The following CSMD1 variants were observed in gnomAD, a reference collection of about 807,000 sequenced individuals.
CSMD1 encodes CUB and Sushi multiple domains 1.
A neutral mutation model predicts 417.5 loss-of-function variants in CSMD1; 213 were observed. The ratio of observed to expected loss-of-function variants is 0.51; its 90% CI spans 0.46 to 0.57. The LOEUF is 0.57. Among genes scored for constraint, CSMD1 ranks in the 20% least tolerant of loss-of-function variants. The pLI is 0.00. For missense variants in CSMD1, 6,923 were observed against 4,529.7 expected (o/e 1.53, Z -15.17); for synonymous variants, 2,862 against 1,736.8 (o/e 1.65, Z -16.11).
At chr8:3,270,384 C>G (rs1223346188) in intron 26 of CSMD1, among the ~76,000 whole-genome samples, 1 of 151,948 alleles carries the variant, frequency 6.6e-6, no homozygotes, top group East Asian at 1.9e-4. Flanking sequence ...ACAGTTGTTG[C>G]TGCCTCAAGA....
chr8:3,787,315 A>G (rs1002677837), intron 5 of CSMD1, among the ~76,000 whole-genome samples: 5 of 152,210 alleles, frequency 3.3e-5, no homozygotes, highest in East Asian at 1.9e-4. Flanking sequence ...GGATATTTAA[A>G]TTGGAAAGCT....
At chr8:3,190,530 G>C (rs937184887) in intron 33 of CSMD1, among the ~76,000 whole-genome samples, 3 of 152,146 alleles carry the variant, frequency 2.0e-5, no homozygotes, top group African/African-American at 7.2e-5. Flanking sequence ...ACAGGCCTCT[G>C]AGTCTAATGA....
intron 1 of CSMD1, among the ~76,000 whole-genome samples, chr8:4,967,604 A>G (rs935439179): frequency 6.6e-6 from 1 of 152,204 alleles, no homozygotes; most frequent in African/African-American, 2.4e-5. Context: ...GAGTTGTAAC[A>G]GTACCTATAC....
chr8:3,925,355 AG>A (rs546488550), intron 5 of CSMD1, among the ~76,000 whole-genome samples: 1 of 152,374 alleles, frequency 6.6e-6, no homozygotes, highest in East Asian at 1.9e-4. Context: ...TATTTTAATT[AG>A]AAATATTCAA....
intron 2 of CSMD1, among the ~76,000 whole-genome samples, chr8:4,502,137 T>A (rs1179743095): frequency 6.6e-6 from 1 of 152,190 alleles, no homozygotes; most frequent in East Asian, 1.9e-4. Context: ...ATGGGTTATA[T>A]ATGATAAAAA....
intron 8 of CSMD1, among the ~76,000 whole-genome samples, chr8:3,586,895 G>T (rs943647448): frequency 1.3e-5 from 2 of 152,180 alleles, no homozygotes; most frequent in African/African-American, 4.8e-5. Context: ...CGCCTCCGGG[G>T]TTCAAGCTAT....
At chr8:3,561,846 T>A (rs1799479678) in intron 10 of CSMD1, among the ~76,000 whole-genome samples, 1 of 151,888 alleles carries the variant, frequency 6.6e-6, no homozygotes, top group African/African-American at 2.4e-5. Context: ...GAAGGAGAAA[T>A]GTATGGCCCT....
intron 3 of CSMD1, among the ~76,000 whole-genome samples, chr8:4,307,827 T>C (rs1181605085): frequency 1.3e-5 from 2 of 152,180 alleles, no homozygotes; most frequent in African/African-American, 4.8e-5. Flanking sequence ...TATAATATGA[T>C]GATTTAACTG....
At chr8:3,912,482 G>A (rs143084606) in intron 5 of CSMD1, among the ~76,000 whole-genome samples, 1 of 152,102 alleles carries the variant, frequency 6.6e-6, no homozygotes, top group South Asian at 2.1e-4. Flanking sequence ...CGTGCTCCTA[G>A]ACCCTCAAGT....
At chr8:3,697,192 A>C (rs1247572734) in intron 7 of CSMD1, among the ~76,000 whole-genome samples, 1 of 152,176 alleles carries the variant, frequency 6.6e-6, no homozygotes, top group Non-Finnish European at 1.5e-5. Context: ...CTAAATTATC[A>C]AGTCTGGGCA....
At chr8:4,282,705 C>G (rs1796854709) in intron 3 of CSMD1, among the ~76,000 whole-genome samples, 1 of 152,080 alleles carries the variant, frequency 6.6e-6, no homozygotes, top group Non-Finnish European at 1.5e-5. Flanking sequence ...ATCCTAACAA[C>G]TCATTTATAA....
intron 1 of CSMD1, among the ~76,000 whole-genome samples, chr8:4,664,216 T>C (rs1804779095): frequency 6.6e-6 from 1 of 152,152 alleles, no homozygotes; most frequent in Admixed American, 6.5e-5. Flanking sequence ...TGCATTATCT[T>C]GGGGACATTT....
At chr8:3,177,412 C>T (rs1821009858) in intron 37 of CSMD1, among the ~76,000 whole-genome samples, 2 of 152,180 alleles carry the variant, frequency 1.3e-5, no homozygotes, top group Non-Finnish European at 2.9e-5. Flanking sequence ...TCTTAGGAAA[C>T]ACAAATCTTA....
At chr8:4,012,553 T>A (rs972627954) in intron 4 of CSMD1, among the ~76,000 whole-genome samples, 2 of 152,098 alleles carry the variant, frequency 1.3e-5, no homozygotes, top group Non-Finnish European at 2.9e-5. Context: ...ACCTGGCAGG[T>A]AGTTATTCAA....
In CSMD1 at chr8:3,371,322, T is replaced by C. The variant is rs558871201; in HGVS notation, c.2783-1952A>G. On this transcript the variant is annotated intron_variant, in intron 18 of 69. Coordinates refer to ENST00000635120, the MANE Select transcript of CSMD1 (RefSeq NM_033225.6). ...AGTTCTCTACCGCTCTGTGCTTCCA[T>C]GGCCTCACATGTAAAATGGGGCAAA... Among the ~76,000 whole-genome samples the C allele has an allele frequency of 5.3e-5, 8 of 152,292 alleles. No individual in the cohort carries two copies. In the East Asian group the frequency reaches 7.8e-4, roughly 15 times the overall value.
At chr8:4,227,285 T>C (rs1215158556) in intron 3 of CSMD1, among the ~76,000 whole-genome samples, 1 of 152,114 alleles carries the variant, frequency 6.6e-6, no homozygotes, top group African/African-American at 2.4e-5. Flanking sequence ...ACATATCCCC[T>C]CGGTCTGCCT....
chr8:3,329,413 G>A (rs11778590), intron 23 of CSMD1, among the ~76,000 whole-genome samples: 20,662 of 151,970 alleles, frequency 0.14, 1,807 homozygotes, highest in African/African-American at 0.26. Flanking sequence ...CCTTCAAGCA[G>A]ATGGAGAGTT....
At chr8:4,129,654 T>C (rs3849823) in intron 3 of CSMD1, among the ~76,000 whole-genome samples, 16,934 of 152,124 alleles carry the variant, frequency 0.11, 1,133 homozygotes, top group East Asian at 0.3. Flanking sequence ...ATATTCTCTT[T>C]TGTCCCAATG....
At chr8:3,984,726 T>C (rs1814180496) in intron 5 of CSMD1, among the ~76,000 whole-genome samples, 1 of 80,834 alleles carries the variant, frequency 1.2e-5, no homozygotes, top group South Asian at 4.6e-4. Flanking sequence ...TATATATATA[T>C]ATATATATAT....
Sources: allele counts gnomAD v4.1 joint callset (sites outside exome capture counted in the v4.1 genomes callset), GRCh38; gene constraint gnomAD v4.1.1; transcripts MANE v1.5; gene names NCBI Gene and HGNC (gene_info 2026-07-23, HGNC 2026-07-21).